Variants in TDRD7 observed in about 807,000 individuals in gnomAD.
TDRD7 encodes tudor domain-containing protein 7.
TDRD7 carries 47 observed loss-of-function variants against 109.8 expected under a neutral mutation model. The observed-to-expected ratio is 0.43, with a 90% CI of 0.34 to 0.55. The LOEUF is 0.55. Ranked by LOEUF, TDRD7 falls within the 20% of genes least tolerant of loss-of-function variation. The probability of loss-of-function intolerance (pLI) is 0.03; values close to 1 mark genes in which losing one functional copy is unlikely to be tolerated. For missense variants in TDRD7, 1,164 were observed against 1,319.2 expected (o/e 0.88, Z 1.82); for synonymous variants, 424 against 457.3 (o/e 0.93, Z 0.93).
At chr9:97,443,050 G>A (rs761686260) in intron 6 of TDRD7, among the ~76,000 whole-genome samples, 4 of 152,006 alleles carry the variant, frequency 2.6e-5, no homozygotes, top group Non-Finnish European at 1.5e-5. Context: ...CGCCCACCTC[G>A]GCCTCCCAAA....
chr9:97,432,286 G>A (rs1287837114), intron 4 of TDRD7, 48 bp downstream of exon 4: 1 of 1,518,550 alleles, frequency 6.6e-7, no homozygotes, highest in East Asian at 2.3e-5. Context: ...AGGGTAAAAA[G>A]TGTTACAAAT....
intron 6 of TDRD7, among the ~76,000 whole-genome samples, chr9:97,443,196 A>G (rs555617793): frequency 2.6e-5 from 4 of 152,164 alleles, no homozygotes; most frequent in African/African-American, 4.8e-5. Flanking sequence ...ATTTGCTCAT[A>G]TACTATTTAC....
Position 97,473,358 on chromosome 9 carries a change from T to G in TDRD7, c.1945-134T>G, listed in dbSNP as rs1828954723. Reference sequence around the variant, plus strand: ...CATTTAAGCTATAAATTGCATTTCATCTTACATATACTCTAACTTAAAGAT... The same window carrying G: ...CATTTAAGCTATAAATTGCATTTCAGCTTACATATACTCTAACTTAAAGAT... On this transcript the variant is annotated intron_variant, in intron 10 of 16. Coordinates refer to ENST00000355295, the MANE Select transcript of TDRD7 (RefSeq NM_014290.3). 4 of 1,201,796 alleles carry G rather than the reference T, an allele frequency of 3.3e-6. No homozygotes were observed. In the South Asian group the frequency reaches 4.9e-5, roughly 15 times the overall value. 74.4% of individuals were successfully genotyped at this position (1,201,796 alleles called of 1,614,324 possible).
chr9:97,463,281 TCTG>T (rs1264798849), intron 7 of TDRD7, among the ~76,000 whole-genome samples: 1 of 152,116 alleles, frequency 6.6e-6, no homozygotes, highest in African/African-American at 2.4e-5. Flanking sequence ...TGGCAAAGCT[TCTG>T]CAGCTATTTC....
At chr9:97,460,998 G>A (rs1339398237) in intron 7 of TDRD7, among the ~76,000 whole-genome samples, 1 of 152,046 alleles carries the variant, frequency 6.6e-6, no homozygotes, top group Non-Finnish European at 1.5e-5. Flanking sequence ...AAAATTAGCA[G>A]GGCGTGGTGG....
chr9:97,481,839 G>C (rs1430425363), intron 14 of TDRD7, among the ~76,000 whole-genome samples: 1 of 152,122 alleles, frequency 6.6e-6, no homozygotes, highest in African/African-American at 2.4e-5. Context: ...TTTGCAGTCA[G>C]TATTTAATTA....
intron 8 of TDRD7, among the ~76,000 whole-genome samples, chr9:97,466,444 G>A (rs968579288): frequency 1.1e-4 from 12 of 109,362 alleles, no homozygotes; most frequent in African/African-American, 4.0e-4. Context: ...AGTTTCTTAC[G>A]AACACTTAAC....
intron 5 of TDRD7, among the ~76,000 whole-genome samples, chr9:97,440,744 A>C (rs1219811900): frequency 2.0e-5 from 3 of 152,164 alleles, no homozygotes; most frequent in African/African-American, 7.2e-5. Context: ...ATCCCAGCAG[A>C]GATACTATCT....
chr9:97,494,688 A>G (rs1234397247), intron 16 of TDRD7, among the ~76,000 whole-genome samples: 3 of 144,650 alleles, frequency 2.1e-5, no homozygotes, highest in Non-Finnish European at 4.5e-5. Flanking sequence ...ATATGTATAT[A>G]TATATGTATA....
At position 97,429,957 on chromosome 9, in the gene TDRD7, C is replaced by T. The variant is rs79557658; in HGVS notation, c.208-976C>T. Among the ~76,000 whole-genome samples, 1,016 of 152,162 alleles carry T rather than the reference C, an allele frequency of 6.7e-3. 7 individuals are homozygous for T. Among genetic ancestry groups the T allele is most frequent in the African/African-American group, 0.022 (928 of 41,498 alleles). On this transcript the variant is annotated intron_variant, in intron 2 of 16. Transcript: ENST00000355295. ...TTCCAGGTTTTGACTATTAAAATACCCCCGTTGCTCATACTTGGGTAGGTA... is the reference window on the plus strand; with the variant it reads ...TTCCAGGTTTTGACTATTAAAATACTCCCGTTGCTCATACTTGGGTAGGTA...
chr9:97,441,712 C>G lies in TDRD7; in HGVS notation c.692C>G (p.Thr231Ser), dbSNP rs756033246. Residue 231 changes from threonine to serine, a missense_variant, in exon 6 of 17, where the codon ACT becomes AGT. This residue lies in a region of TDRD7 where 407 missense variants were observed against 394.0 expected (regional missense o/e 1.03). Coordinates refer to ENST00000355295, the MANE Select transcript of TDRD7 (RefSeq NM_014290.3). ...AATGTCAAGCCTCCTGCCTCTTACA[C>G]TTATAAAATGGATGAGGTTCAAAAT... ...KPNVKPPASY[T>S]YKMDEVQNRI... 3.1e-6 allele frequency: 5 copies of G among 1,613,422 alleles called. No homozygotes were observed. The African/African-American group carries it at 6.7e-5, about 22-fold the overall frequency.
chr9:97,437,306 C>A (rs1828219792), intron 4 of TDRD7, among the ~76,000 whole-genome samples: 1 of 152,170 alleles, frequency 6.6e-6, no homozygotes, highest in Non-Finnish European at 1.5e-5. Context: ...TGCTTTCAGT[C>A]CTACTCACAT....
At chr9:97,495,442 G>GT (rs1188057873) in intron 16 of TDRD7, among the ~76,000 whole-genome samples, 1 of 152,080 alleles carries the variant, frequency 6.6e-6, no homozygotes, top group African/African-American at 2.4e-5. Context: ...AATGAAACTT[G>GT]TTTTTTAGTT....
chr9:97,482,924 C>T lies in TDRD7; in HGVS notation c.2488C>T (p.Arg830Cys), dbSNP rs140697341. The T allele has an allele frequency of 6.5e-4, 1,050 of 1,614,162 alleles. 2 individuals carry two copies. The highest frequency in any genetic ancestry group is 2.8e-3 in the Middle Eastern group (17 of 6,062). ...CCCTAAGAACTTCCCTGACCCTCAT[C>T]GCAGTATTAATCGCCAGATTACAAA... The part of the protein sequence containing the change: ...FTPKNFPDPH[R>C]SINRQITNAD... The change falls in exon 15 of 17, where the codon CGC becomes TGC. Residue 830 changes from arginine (R) to cysteine (C), a missense_variant. Arg to Cys is a radical substitution (Grantham distance 180). This residue lies in a region of TDRD7 where 233 missense variants were observed against 218.0 expected (regional missense o/e 1.07). Coordinates refer to ENST00000355295, the MANE Select transcript of TDRD7 (RefSeq NM_014290.3).
At chr9:97,470,966 A>G (rs1828900299) in intron 9 of TDRD7, among the ~76,000 whole-genome samples, 1 of 152,112 alleles carries the variant, frequency 6.6e-6, no homozygotes, top group Admixed American at 6.5e-5. Context: ...GCCCTGTTTC[A>G]TGACATTTGA....
intron 4 of TDRD7, among the ~76,000 whole-genome samples, chr9:97,436,946 A>G (rs1828211818): frequency 6.6e-6 from 1 of 152,214 alleles, no homozygotes; most frequent in Non-Finnish European, 1.5e-5. Context: ...ACATTATTAT[A>G]ACTTCATAAT....
chr9:97,490,557 G>GC (rs199527616), intron 16 of TDRD7, among the ~76,000 whole-genome samples: 2 of 140,704 alleles, frequency 1.4e-5, no homozygotes, highest in South Asian at 4.9e-4. Context: ...GGTGGGGGGG[G>GC]GGGCATTTAT....
At chr9:97,445,204 T>C (rs1216204133) in intron 6 of TDRD7, among the ~76,000 whole-genome samples, 2 of 152,162 alleles carry the variant, frequency 1.3e-5, no homozygotes, top group Non-Finnish European at 2.9e-5. Context: ...GAGTTCCCAT[T>C]GGGTCCTAGG....
intron 6 of TDRD7, among the ~76,000 whole-genome samples, chr9:97,448,493 C>A (rs1208677629): frequency 6.6e-6 from 1 of 152,216 alleles, no homozygotes; most frequent in Non-Finnish European, 1.5e-5. Context: ...GCTGGTCAAC[C>A]TTTCTGTGAA....
Sources: gnomAD v4.1 joint callset for allele counts (sites outside exome capture counted in the v4.1 genomes callset) on GRCh38, gnomAD v4.1.1 for gene constraint, gnomAD v4.1.1 regional missense constraint, MANE v1.5 for transcripts, NCBI Gene and HGNC (gene_info 2026-07-23, HGNC 2026-07-21) for gene names.